Variants in SCN10A observed in about 807,000 individuals in gnomAD.
SCN10A encodes the protein sodium voltage-gated channel alpha subunit 10.
In SCN10A, 162 loss-of-function variants were observed where a neutral mutation model predicts 170.7. The observed-to-expected ratio is 0.95, with a 90% CI of 0.84 to 1.08. The LOEUF is 1.08. Among genes scored for constraint, SCN10A ranks in the 50% least tolerant of loss-of-function variants. The probability of loss-of-function intolerance (pLI) is 0.00; values close to 1 mark genes in which losing one functional copy is unlikely to be tolerated. For synonymous variants in SCN10A, 985 were observed against 904.6 expected (o/e 1.09, Z -1.59); for missense variants, 2,527 against 2,436.9 (o/e 1.04, Z -0.78).
chr3:38,706,127 T>C lies in SCN10A; in HGVS notation c.4386+1152A>G, dbSNP rs568011120. On this transcript the variant is annotated intron_variant, in intron 26 of 27. Coordinates refer to ENST00000449082, the MANE Select transcript of SCN10A (RefSeq NM_006514.4). ...TAATACTTCTTATCAGAATCTAGAC[T>C]AGTAATAAATTCATGACCACTATTT... Among the ~76,000 whole-genome samples, 35 of 152,324 alleles carry C rather than the reference T, an allele frequency of 2.3e-4. 1 individual carries two copies. Among genetic ancestry groups the C allele is most frequent in the African/African-American group, 7.9e-4 (33 of 41,588 alleles).
intron 1 of SCN10A, among the ~76,000 whole-genome samples, chr3:38,815,675 A>T (rs1303641042): frequency 6.6e-6 from 1 of 152,210 alleles, no homozygotes; most frequent in African/African-American, 2.4e-5. Context: ...CTCTGTTATC[A>T]CAGTTTTTGT....
intron 15 of SCN10A, among the ~76,000 whole-genome samples, chr3:38,737,838 C>CTTCT (rs1263991200): frequency 2.4e-5 from 1 of 41,886 alleles, no homozygotes; most frequent in Admixed American, 2.9e-4. Context: ...CTTTCTCTTT[C>CTTCT]TTCTTTCTTT....
At chr3:38,711,531 G>C (rs997579250) in intron 23 of SCN10A, among the ~76,000 whole-genome samples, 2 of 152,206 alleles carry the variant, frequency 1.3e-5, no homozygotes, top group Non-Finnish European at 2.9e-5. Context: ...CCAGGGCTGA[G>C]TAGTACCATG....
At chr3:38,737,222 G>T (rs1241108989) in intron 15 of SCN10A, among the ~76,000 whole-genome samples, 1 of 151,268 alleles carries the variant, frequency 6.6e-6, no homozygotes, top group African/African-American at 2.4e-5. Flanking sequence ...CGCCTGCCTC[G>T]GCCTCCCAAA....
chr3:38,802,089 A>T (rs2064374960), intron 1 of SCN10A, among the ~76,000 whole-genome samples: 7 of 152,110 alleles, frequency 4.6e-5, no homozygotes, highest in Admixed American at 4.6e-4. Flanking sequence ...GAAACTTAGG[A>T]GTCTTCCTTT....
At chr3:38,713,929 G>A (rs748023590) in intron 22 of SCN10A, 29 bp downstream of exon 22, 8 of 1,611,706 alleles carry the variant, frequency 5.0e-6, no homozygotes, top group Middle Eastern at 2.1e-4. Flanking sequence ...TGCCTGGCCA[G>A]ATGAGAGAAG....
intron 5 of SCN10A, among the ~76,000 whole-genome samples, chr3:38,766,517 G>C (rs1298823918): frequency 6.6e-6 from 1 of 151,978 alleles, no homozygotes; most frequent in African/African-American, 2.4e-5. Flanking sequence ...TTTTAATTCT[G>C]TTTATGTGAC....
At chr3:38,718,856 G>A in intron 20 of SCN10A, 30 bp from the exon 21 acceptor site, 1 of 1,608,350 alleles carries the variant, frequency 6.2e-7, no homozygotes, top group African/African-American at 1.3e-5. Context: ...CAGAATGGCA[G>A]GCTGCCTGGA....
chr3:38,804,390 AC>A (rs1292887632), intron 1 of SCN10A, among the ~76,000 whole-genome samples: 2 of 151,970 alleles, frequency 1.3e-5, no homozygotes, highest in Middle Eastern at 3.2e-3. Context: ...TCTTCATAAC[AC>A]TTTTACGACC....
At chr3:38,785,773 A>C (rs1049175425) in intron 4 of SCN10A, among the ~76,000 whole-genome samples, 1 of 152,166 alleles carries the variant, frequency 6.6e-6, no homozygotes, top group African/African-American at 2.4e-5. Flanking sequence ...AAAAAACTTA[A>C]ACAAATTTAC....
At chr3:38,810,049 G>A (rs897482660) in intron 1 of SCN10A, among the ~76,000 whole-genome samples, 2 of 152,072 alleles carry the variant, frequency 1.3e-5, no homozygotes, top group African/African-American at 4.8e-5. Flanking sequence ...ACAAATACAT[G>A]CCCAGACTGA....
intron 8 of SCN10A, among the ~76,000 whole-genome samples, chr3:38,758,999 C>T (rs1382848230): frequency 6.6e-6 from 1 of 152,136 alleles, no homozygotes; most frequent in East Asian, 1.9e-4. Context: ...TCTCATGAGC[C>T]AAAGAACCAA....
chr3:38,809,375 T>C (rs1268734346), intron 1 of SCN10A, among the ~76,000 whole-genome samples: 1 of 152,250 alleles, frequency 6.6e-6, no homozygotes, highest in African/African-American at 2.4e-5. Context: ...CTTGAGTTTT[T>C]AAGATTCAGG....
intron 4 of SCN10A, among the ~76,000 whole-genome samples, chr3:38,785,269 G>T (rs1015028879): frequency 6.6e-6 from 1 of 152,140 alleles, no homozygotes; most frequent in Non-Finnish European, 1.5e-5. Flanking sequence ...GCGAGGTACT[G>T]GTACCAAAAC....
chr3:38,698,274 T>C lies in SCN10A; in HGVS notation c.4946A>G (p.Asn1649Ser). The C allele has an allele frequency of 6.2e-7, 1 of 1,614,114 alleles. No individual in the cohort carries two copies. The highest frequency in any genetic ancestry group is 8.5e-7 in the Non-Finnish European group (1 of 1,180,016). Residue 1649 changes from asparagine (N) to serine (S), a missense_variant, in exon 28 of 28, where the codon AAC (asparagine) becomes AGC (serine). Transcript: ENST00000449082. ...AATCTGGAAGAGGCACAGCATGCTG[T>C]TGGCGAAGGTCTGGAAGTTGAACAT... ...DDMFNFQTFANSMLCLFQITT... is the reference protein window; with the variant it reads ...DDMFNFQTFASSMLCLFQITT...
At chr3:38,760,405 A>G (rs2063855443) in intron 8 of SCN10A, among the ~76,000 whole-genome samples, 1 of 152,248 alleles carries the variant, frequency 6.6e-6, no homozygotes, top group South Asian at 2.1e-4. Flanking sequence ...ATGTCACCCA[A>G]TGCCCATCTG....
At chr3:38,715,469 G>T (rs1195609708) in intron 21 of SCN10A, among the ~76,000 whole-genome samples, 1 of 152,172 alleles carries the variant, frequency 6.6e-6, no homozygotes, top group African/African-American at 2.4e-5. Flanking sequence ...ATACTCTGTA[G>T]CCTGTGTCAT....
intron 18 of SCN10A, 74 bp downstream of exon 18, chr3:38,725,100 C>G: frequency 7.1e-7 from 1 of 1,403,958 alleles, no homozygotes; most frequent in Non-Finnish European, 9.6e-7. Flanking sequence ...TCACCGCCAC[C>G]CTCCAGCCTC....
intron 1 of SCN10A, among the ~76,000 whole-genome samples, chr3:38,798,574 C>A (rs1236029494): frequency 6.6e-6 from 1 of 152,132 alleles, no homozygotes; most frequent in Non-Finnish European, 1.5e-5. Flanking sequence ...ATACTCACTT[C>A]TTGGATTAAT....
Sources: allele counts gnomAD v4.1 joint callset (sites outside exome capture counted in the v4.1 genomes callset), GRCh38; gene constraint gnomAD v4.1.1; transcripts MANE v1.5; gene names NCBI Gene and HGNC (gene_info 2026-07-23, HGNC 2026-07-21).